Variants in NT5DC1 observed in about 807,000 individuals in gnomAD.
NT5DC1 encodes the protein 5'-nucleotidase domain-containing protein 1.
NT5DC1 carries 42 observed loss-of-function variants against 59.4 expected under a neutral mutation model. That is an observed-to-expected ratio of 0.71 (90% CI 0.55 to 0.92). The LOEUF is 0.92. Among genes scored for constraint, NT5DC1 ranks in the 40% least tolerant of loss-of-function variants. The probability of loss-of-function intolerance (pLI) is 0.00; values close to 1 mark genes in which losing one functional copy is unlikely to be tolerated. For missense variants in NT5DC1, 501 were observed against 537.1 expected, an observed-to-expected ratio of 0.93 and a Z score of 0.66; for synonymous variants, 172 against 188.1, an observed-to-expected ratio of 0.91 and a Z score of 0.70.
chr6:116,139,090 A>G (rs1297388511), intron 6 of NT5DC1, among the ~76,000 whole-genome samples: 2 of 152,150 alleles, frequency 1.3e-5, no homozygotes, highest in African/African-American at 4.8e-5. Context: ...TATTCTTATG[A>G]TTTATAGCAC....
chr6:116,140,382 A>G (rs780719982), intron 6 of NT5DC1, among the ~76,000 whole-genome samples: 1 of 152,056 alleles, frequency 6.6e-6, no homozygotes, highest in African/African-American at 2.4e-5. Context: ...TCTGCCTTAC[A>G]TTCCTGGTTT....
At chr6:116,181,873 T>A (rs1780879584) in intron 6 of NT5DC1, among the ~76,000 whole-genome samples, 1 of 152,092 alleles carries the variant, frequency 6.6e-6, no homozygotes, top group Non-Finnish European at 1.5e-5. Flanking sequence ...TTTTATTTAT[T>A]CAGTTTTCTA....
intron 5 of NT5DC1, among the ~76,000 whole-genome samples, chr6:116,116,308 A>G (rs1423447295): frequency 2.0e-5 from 3 of 152,184 alleles, no homozygotes; most frequent in Non-Finnish European, 4.4e-5. Flanking sequence ...AAACAGATTT[A>G]TATGTCAGAA....
chr6:116,114,173 A>G (rs977984242), intron 4 of NT5DC1, among the ~76,000 whole-genome samples: 1 of 152,212 alleles, frequency 6.6e-6, no homozygotes, highest in African/African-American at 2.4e-5. Context: ...CAGGAAGACT[A>G]TATCAACCAA....
chr6:116,131,712 G>A (rs1268113293), intron 6 of NT5DC1, among the ~76,000 whole-genome samples: 2 of 152,116 alleles, frequency 1.3e-5, no homozygotes, highest in African/African-American at 2.4e-5. Context: ...ACAAGTGCAG[G>A]TGTGTTACAT....
intron 6 of NT5DC1, among the ~76,000 whole-genome samples, chr6:116,122,645 T>A (rs1779166172): frequency 6.6e-6 from 1 of 152,154 alleles, no homozygotes; most frequent in Non-Finnish European, 1.5e-5. Flanking sequence ...AAACTAAACT[T>A]AAACTAAAAA....
chr6:116,133,951 G>A (rs1038423352), intron 6 of NT5DC1, among the ~76,000 whole-genome samples: 7 of 152,236 alleles, frequency 4.6e-5, no homozygotes, highest in African/African-American at 1.4e-4. Context: ...GATCTTATTA[G>A]TGCTGAAATT....
At chr6:116,211,928 A>G (rs1781588454) in intron 6 of NT5DC1, among the ~76,000 whole-genome samples, 1 of 152,012 alleles carries the variant, frequency 6.6e-6, no homozygotes, top group Non-Finnish European at 1.5e-5. Context: ...AATGTTGCAA[A>G]GAGTATTGGG....
In NT5DC1 at chr6:116,164,237, G is replaced by A. The variant is rs1582846154; in HGVS notation, c.529+46292G>A. Among the ~76,000 whole-genome samples, 16 of 152,196 alleles carry A rather than the reference G, an allele frequency of 1.1e-4. No individual in the cohort carries two copies. The South Asian group carries it at 3.3e-3, about 32-fold the overall frequency. The stretch of plus-strand genomic sequence containing the variant: ...GGCTTTTTATTTTATTTTCTTAGGT[G>A]TAGTAGTACTTTTATAAATCTGGGT... On this transcript the variant is annotated intron_variant, in intron 6 of 11. Coordinates refer to ENST00000319550, the MANE Select transcript of NT5DC1 (RefSeq NM_152729.3).
At chr6:116,196,393 A>C (rs1781227545) in intron 6 of NT5DC1, among the ~76,000 whole-genome samples, 1 of 152,060 alleles carries the variant, frequency 6.6e-6, no homozygotes, top group African/African-American at 2.4e-5. Flanking sequence ...ATCAAAATTT[A>C]AACCAGTTTT....
chr6:116,223,712 T>C (rs1232651935), intron 8 of NT5DC1, among the ~76,000 whole-genome samples: 2 of 152,208 alleles, frequency 1.3e-5, no homozygotes, highest in African/African-American at 4.8e-5. Flanking sequence ...GTTATAGTTT[T>C]TGGGGAGTGA....
intron 6 of NT5DC1, among the ~76,000 whole-genome samples, chr6:116,135,656 A>G (rs1282773589): frequency 6.6e-6 from 1 of 151,406 alleles, no homozygotes; most frequent in Non-Finnish European, 1.5e-5. Flanking sequence ...TTCAACTAAC[A>G]AACATTTTTT....
At chr6:116,146,726 C>G (rs568363192) in intron 6 of NT5DC1, among the ~76,000 whole-genome samples, 57 of 151,994 alleles carry the variant, frequency 3.8e-4, no homozygotes, top group African/African-American at 1.3e-3. Flanking sequence ...TCATGGTATT[C>G]AAACTGAATA....
chr6:116,161,460 A>C (rs1780328597), intron 6 of NT5DC1, among the ~76,000 whole-genome samples: 1 of 152,174 alleles, frequency 6.6e-6, no homozygotes, highest in African/African-American at 2.4e-5. Flanking sequence ...GTATATAGAT[A>C]GCCAGCTTTC....
chr6:116,138,279 C>T (rs370451708), intron 6 of NT5DC1, among the ~76,000 whole-genome samples: 1 of 152,092 alleles, frequency 6.6e-6, no homozygotes, highest in East Asian at 1.9e-4. Flanking sequence ...CCAAGATCAC[C>T]ATGGTAAAGC....
At chr6:116,154,029 CTTTTTTT>C (rs34356532) in intron 6 of NT5DC1, among the ~76,000 whole-genome samples, 1 of 122,340 alleles carries the variant, frequency 8.2e-6, no homozygotes, top group Non-Finnish European at 1.7e-5. Flanking sequence ...GGGAAGATTT[CTTTTTTT>C]TTTTTTTTTT....
rs771013341 is a variant in NT5DC1 at position 116,144,692 on chromosome 6, A to T, written c.529+26747A>T. On this transcript the variant is annotated intron_variant, in intron 6 of 11. Coordinates refer to ENST00000319550, the MANE Select transcript of NT5DC1 (RefSeq NM_152729.3). ...GTAATCCACACCAGACTTTGGGACA[A>T]CTGTTTGTTAGACTTCACACCAGTA... is the stretch of plus-strand genomic sequence containing the variant. Among the ~76,000 whole-genome samples, 115 of 152,308 alleles carry T rather than the reference A, an allele frequency of 7.6e-4. 3 individuals carry two copies. Among genetic ancestry groups the T allele is most frequent in the Middle Eastern group, 3.4e-3 (1 of 294 alleles).
At chr6:116,164,848 C>A (rs555589129) in intron 6 of NT5DC1, among the ~76,000 whole-genome samples, 1 of 151,982 alleles carries the variant, frequency 6.6e-6, no homozygotes, top group Non-Finnish European at 1.5e-5. Flanking sequence ...CTTTGGGAGG[C>A]CGAGGCAGGC....
chr6:116,158,589 T>A (rs1193103186), intron 6 of NT5DC1: 1 of 152,198 alleles, frequency 6.6e-6, no homozygotes, highest in Admixed American at 6.5e-5. Flanking sequence ...ATAAACCTAT[T>A]GTCACACGTT....
Sources: gnomAD v4.1 joint callset for allele counts (sites outside exome capture counted in the v4.1 genomes callset) on GRCh38, gnomAD v4.1.1 for gene constraint, MANE v1.5 for transcripts, NCBI Gene and HGNC (gene_info 2026-07-23, HGNC 2026-07-21) for gene names.